Variants in N4BP2L2 observed in about 807,000 individuals in gnomAD.
N4BP2L2 encodes NEDD4-binding protein 2-like 2.
A neutral mutation model predicts 56.2 loss-of-function variants in N4BP2L2; 50 were observed. The ratio of observed to expected loss-of-function variants is 0.89; its 90% CI spans 0.71 to 1.13. N4BP2L2 has a LOEUF of 1.13. Ranked by LOEUF, N4BP2L2 falls within the 50% of genes most tolerant of loss-of-function variation. N4BP2L2 has a pLI of 0.00. For synonymous variants in N4BP2L2, 203 were observed against 223.6 expected, an observed-to-expected ratio of 0.91 and a Z score of 0.82; for missense variants, 689 against 693.8, an observed-to-expected ratio of 0.99 and a Z score of 0.08.
At chr13:32,521,851 C>T (rs1191117075) in intron 4 of N4BP2L2, 1 of 295,908 alleles carries the variant, frequency 3.4e-6, no homozygotes, top group Non-Finnish European at 6.2e-6. Context: ...GGGCAGGCAC[C>T]TATAATCTCA....
intron 8 of N4BP2L2, among the ~76,000 whole-genome samples, chr13:32,436,593 C>G (rs967222127): frequency 2.6e-5 from 4 of 151,808 alleles, no homozygotes; most frequent in African/African-American, 9.7e-5. Context: ...AGTTTGAGAA[C>G]AGCGTGGCCA....
intron 6 of N4BP2L2, among the ~76,000 whole-genome samples, chr13:32,449,545 A>G (rs2077559933): frequency 6.6e-6 from 1 of 152,252 alleles, no homozygotes; most frequent in South Asian, 2.1e-4. Context: ...TTTAAGTTCA[A>G]ATAAAATGTT....
intron 2 of N4BP2L2, among the ~76,000 whole-genome samples, chr13:32,528,594 CA>C (rs1452668025): frequency 6.6e-6 from 1 of 152,114 alleles, no homozygotes; most frequent in Non-Finnish European, 1.5e-5. Context: ...GAAAATGCAG[CA>C]AGATAATGAT....
intron 6 of N4BP2L2, among the ~76,000 whole-genome samples, chr13:32,493,369 C>T (rs2087677087): frequency 6.6e-6 from 1 of 152,086 alleles, no homozygotes; most frequent in Non-Finnish European, 1.5e-5. Context: ...TGTTGACTCT[C>T]AGCGGTATAA....
At chr13:32,433,581 C>T (rs181937000) in intron 9 of N4BP2L2, among the ~76,000 whole-genome samples, 2,013 of 151,730 alleles carry the variant, frequency 0.013, 18 homozygotes, top group Non-Finnish European at 0.019. Context: ...TGCAGTGAGC[C>T]ACTGTACTCC....
intron 6 of N4BP2L2, chr13:32,480,766 G>A (rs2084489030): frequency 4.3e-6 from 2 of 460,018 alleles, no homozygotes; most frequent in Non-Finnish European, 7.3e-6. Context: ...CTCATAGAGT[G>A]TGATTTCTCC....
intron 6 of N4BP2L2, among the ~76,000 whole-genome samples, chr13:32,493,951 C>T (rs1037389967): frequency 6.6e-6 from 1 of 152,132 alleles, no homozygotes; most frequent in Admixed American, 6.5e-5. Flanking sequence ...TATTTTATCT[C>T]TTTGGATTTC....
At chr13:32,433,435 A>G (rs1167104584) in intron 9 of N4BP2L2, among the ~76,000 whole-genome samples, 1 of 151,942 alleles carries the variant, frequency 6.6e-6, no homozygotes, top group African/African-American at 2.4e-5. Context: ...GTTCAAGACC[A>G]GCCTGGCCAA....
At chr13:32,456,873 T>G (rs565217111) in intron 6 of N4BP2L2, among the ~76,000 whole-genome samples, 108 of 152,302 alleles carry the variant, frequency 7.1e-4, no homozygotes, top group Admixed American at 2.6e-3. Flanking sequence ...TGGTGGCTCA[T>G]GCCCACAATC....
intron 1 of N4BP2L2, 82 bp downstream of exon 1, chr13:32,538,536 A>C (rs1021980696): frequency 1.3e-6 from 1 of 780,720 alleles, no homozygotes; most frequent in East Asian, 1.3e-4. Flanking sequence ...GTTTACAGCT[A>C]ATCTAAACAG....
At chr13:32,535,371 C>G (rs979227742) in intron 2 of N4BP2L2, among the ~76,000 whole-genome samples, 2 of 152,188 alleles carry the variant, frequency 1.3e-5, no homozygotes, top group Non-Finnish European at 2.9e-5. Context: ...CATAATTATA[C>G]GTAGTGTTAT....
exon 6 of N4BP2L2, chr13:32,516,805 A>G (rs1187850637): frequency 5.9e-6 from 4 of 676,890 alleles, no homozygotes; most frequent in Non-Finnish European, 7.3e-6. Context: ...TTTTTTCCTC[A>G]TGTTGCAAAG....
Position 32,482,356 on chromosome 13 carries a change from G to C in N4BP2L2, c.365+35501C>G, listed in dbSNP as rs186557057. Among the ~76,000 whole-genome samples the C allele has an allele frequency of 1.2e-4, 19 of 152,194 alleles. No homozygotes were observed. In the East Asian group the frequency reaches 3.5e-3, roughly 28 times the overall value. ...TACCTAGCGTGATTATAATTAAACTGATTACTTGTAATTAGACTTGTTTGA... is the reference window on the plus strand; with the variant it reads ...TACCTAGCGTGATTATAATTAAACTCATTACTTGTAATTAGACTTGTTTGA... On this transcript the variant is annotated intron_variant, in intron 6 of 9. Transcript: ENST00000357505.
rs143191534 is a variant in N4BP2L2, at chr13:32,500,664, G to A, written c.365+17193C>T. 2.9e-3 allele frequency among the ~76,000 whole-genome samples: 437 copies of A among 150,928 alleles called. 2 individuals are homozygous for A. The highest frequency in any genetic ancestry group is 9.9e-3 in the African/African-American group (407 of 41,096). On this transcript the variant is annotated intron_variant, in intron 6 of 9. Coordinates refer to the N4BP2L2 transcript ENST00000357505. ...ACTTAGGAGTCCAAGGCTGCAGTGA[G>A]CTATGATCATGCCACTGAACTCCAG...
exon 6 of N4BP2L2, chr13:32,513,970 TA>T (rs1403464249): frequency 3.9e-5 from 6 of 152,060 alleles, no homozygotes; most frequent in Non-Finnish European, 8.8e-5. Context: ...ATTTTTGCAA[TA>T]AAAAAATTCA....
At chr13:32,438,595 G>A (rs190234249) in intron 8 of N4BP2L2, 27 of 1,377,382 alleles carry the variant, frequency 2.0e-5, no homozygotes, top group South Asian at 7.6e-5. Flanking sequence ...ATGAAACTCC[G>A]TCTCAAACAA....
intron 6 of N4BP2L2, among the ~76,000 whole-genome samples, chr13:32,463,550 G>A (rs2080610694): frequency 6.6e-6 from 1 of 151,780 alleles, no homozygotes; most frequent in Admixed American, 6.6e-5. Flanking sequence ...TGTAATCCCA[G>A]CTACTTGGGA....
At chr13:32,520,421 G>A (rs927083218) in intron 5 of N4BP2L2, among the ~76,000 whole-genome samples, 2 of 151,074 alleles carry the variant, frequency 1.3e-5, no homozygotes, top group African/African-American at 4.9e-5. Flanking sequence ...CTGGGAGGCC[G>A]AGCAAGGTGG....
chr13:32,474,407 C>T (rs1000033775), intron 6 of N4BP2L2, among the ~76,000 whole-genome samples: 6 of 151,748 alleles, frequency 4.0e-5, no homozygotes, highest in Non-Finnish European at 8.8e-5. Context: ...ATGTACTTAG[C>T]GGCCTATCAC....
Sources: allele counts gnomAD v4.1 joint callset (sites outside exome capture counted in the v4.1 genomes callset), GRCh38; gene constraint gnomAD v4.1.1; transcripts MANE v1.5; gene names NCBI Gene and HGNC (gene_info 2026-07-23, HGNC 2026-07-21).